Variants in AGRN observed in about 807,000 individuals in gnomAD.
The protein encoded by AGRN is agrin.
Under a neutral mutation model 211.0 loss-of-function variants are expected in AGRN, and 106 were observed. The ratio of observed to expected loss-of-function variants is 0.50; its 90% CI spans 0.43 to 0.59. The LOEUF (loss-of-function observed/expected upper bound fraction) is 0.59. Among genes scored for constraint, AGRN ranks in the 20% least tolerant of loss-of-function variants. The pLI, the probability that AGRN is intolerant of heterozygous loss-of-function variation, is 0.00. For missense variants in AGRN, 3,040 were observed against 2,982.6 expected (o/e 1.02, Z -0.45); for synonymous variants, 1,525 against 1,332.5 (o/e 1.14, Z -3.15).
rs1475721760 is a variant in AGRN at position 1,045,213 on chromosome 1, G to A, written c.2307G>A (p.Thr769=). 1.9e-6 allele frequency: 3 copies of A among 1,612,636 alleles called. No homozygotes were observed. The highest frequency in any genetic ancestry group is 1.1e-5 in the South Asian group (1 of 91,058). Residue 769 remains threonine (T), a synonymous_variant, in exon 13 of 36, where the codon ACG becomes ACA. Coordinates refer to ENST00000379370, the MANE Select transcript of AGRN (RefSeq NM_198576.4). ...TGGCCCCCTTACACTGTGCCCAGAC[G>A]CCCTACGGCTGCTGCCAGGACAATA... ...PPVAPLHCAQ[T]PYGCCQDNIT...
In AGRN at chr1:1,051,907, G is replaced by A. The variant is rs1389837988; in HGVS notation, c.5651+92G>A. The A allele has an allele frequency of 4.2e-5, 66 of 1,555,018 alleles. No individual in the cohort carries two copies. In the East Asian group the frequency reaches 9.4e-4, roughly 22 times the overall value. ...ACACCAGGAGGGCCCAGGAGGGGACGGCCCGGTGCTGCCACCTCTGTCCTC... is the reference window on the plus strand; with the variant it reads ...ACACCAGGAGGGCCCAGGAGGGGACAGCCCGGTGCTGCCACCTCTGTCCTC... On this transcript the variant is annotated intron_variant, in intron 33 of 35. Coordinates refer to ENST00000379370, the MANE Select transcript of AGRN (RefSeq NM_198576.4).
rs142143178 is a variant in AGRN, at chr1:1,043,888, C to T, written c.1864C>T (p.Arg622Trp). The change falls in exon 10 of 36, where the codon CGG becomes TGG. Residue 622 changes from arginine to tryptophan, a missense_variant. Arg to Trp is a moderately radical substitution (Grantham distance 101). Around this residue, in one of 3 missense-constraint regions of AGRN, gnomAD observed 1,498 missense variants for 1,457.8 expected, o/e 1.03. Coordinates refer to ENST00000379370, the MANE Select transcript of AGRN (RefSeq NM_198576.4). Reference protein sequence around the residue: ...VCSAGQCVCPRCEHPPPGPVC... With the variant: ...VCSAGQCVCPWCEHPPPGPVC... ...CTCCGCAGGGCAGTGTGTGTGTCCC[C>T]GGTGTGAGCACCCCCCGCCCGGCCC... The T allele has an allele frequency of 1.8e-4, 292 of 1,610,832 alleles. No homozygotes were observed. Among genetic ancestry groups the T allele is most frequent in the Non-Finnish European group, 2.2e-4 (258 of 1,179,692 alleles).
chr1:1,045,884 A>G lies in AGRN; in HGVS notation c.2680+8A>G. On this transcript the variant is annotated splice_region_variant and intron_variant, in intron 15 of 35. Coordinates refer to ENST00000379370, the MANE Select transcript of AGRN (RefSeq NM_198576.4). ...CCGCGGGCTGTGAAGCTGGTGAGTG[A>G]GGGCCAGCGCTACCCTGGGGCTTCA... 6.2e-7 allele frequency: 1 copy of G among 1,610,356 alleles called. No individual in the cohort carries two copies. Among genetic ancestry groups the G allele is most frequent in the Non-Finnish European group, 8.5e-7 (1 of 1,179,870 alleles).
chr1:1,040,300 A>G (rs1644896385), intron 3 of AGRN, among the ~76,000 whole-genome samples: 1 of 152,140 alleles, frequency 6.6e-6, no homozygotes, highest in South Asian at 2.1e-4. Flanking sequence ...GTTGGTTTCG[A>G]GGCGTCTCTG....
intron 1 of AGRN, among the ~76,000 whole-genome samples, chr1:1,021,563 G>C (rs1644406581): frequency 6.6e-6 from 1 of 152,234 alleles, no homozygotes; most frequent in Non-Finnish European, 1.5e-5. Context: ...TGAGTGCGTG[G>C]GTCCCTGTCC....
Position 1,048,251 on chromosome 1 carries a change from A to G in AGRN, c.3991A>G (p.Lys1331Glu). The change falls in exon 23 of 36, where the codon AAG becomes GAG. Residue 1331 changes from lysine (K) to glutamate (E), a missense_variant. Lys to Glu is a moderately conservative substitution (Grantham distance 56, BLOSUM62 1). Coordinates refer to ENST00000379370, the MANE Select transcript of AGRN (RefSeq NM_198576.4). The surrounding 1 kb of genome is among the most constrained non-coding windows in gnomAD (Gnocchi z 5.9). ...GCCCCCGGCCCCCCAGCAGCCTCCA[A>G]AGCCCTGTGACTCACAGCCCTGCTT... is the stretch of plus-strand genomic sequence containing the variant. ...RRPPAPQQPPKPCDSQPCFHG... is the reference protein window; with the variant it reads ...RRPPAPQQPPEPCDSQPCFHG... 2.6e-6 allele frequency: 4 copies of G among 1,541,690 alleles called. No homozygotes were observed. Among genetic ancestry groups the G allele is most frequent in the Non-Finnish European group, 3.5e-6 (4 of 1,141,644 alleles).
In AGRN at chr1:1,043,655, A is replaced by G; in HGVS notation, c.1721A>G (p.Tyr574Cys). The change falls in exon 9 of 36, where the codon TAC becomes TGC. Residue 574 changes from tyrosine to cysteine, a missense_variant. Tyr to Cys is a radical substitution (Grantham distance 194). This residue lies in a region of AGRN where 1,498 missense variants were observed against 1,457.8 expected (regional missense o/e 1.03). Transcript: ENST00000379370. ...GTGTGTGGCTCCGACGGGCACACGT[A>G]CCCCAGCGAGTGCATGCTGCACGTG... ...QPVCGSDGHT[Y>C]PSECMLHVHA... 2 of 1,601,510 alleles carry G rather than the reference A, an allele frequency of 1.2e-6. No individual in the cohort carries two copies. The highest frequency in any genetic ancestry group is 1.7e-6 in the Non-Finnish European group (2 of 1,179,704).
At chr1:1,050,164 C>T in intron 27 of AGRN, 69 bp from the exon 28 acceptor site, 1 of 1,598,386 alleles carries the variant, frequency 6.3e-7, no homozygotes, top group Non-Finnish European at 8.6e-7. Context: ...TTAGGATCCA[C>T]ACACGGCTGG....
intron 30 of AGRN, 76 bp from the exon 31 acceptor site, chr1:1,051,177 G>GCC: frequency 9.2e-7 from 1 of 1,082,364 alleles, no homozygotes; most frequent in Non-Finnish European, 1.4e-6. Context: ...GGTGGGGCGG[G>GCC]TGCGTGCAGG....
At chr1:1,047,498 C>T (rs1645132888) in intron 20 of AGRN, 44 bp downstream of exon 20, 9 of 1,612,694 alleles carry the variant, frequency 5.6e-6, no homozygotes, top group African/African-American at 1.3e-5. Context: ...GGCCTTCCTC[C>T]CCAGATACCC....
Position 1,045,980 on chromosome 1 carries a change from G to T in AGRN, c.2697G>T (p.Ala899=). 1 of 1,613,832 alleles carries T rather than the reference G, an allele frequency of 6.2e-7. No individual in the cohort carries two copies. Among genetic ancestry groups the T allele is most frequent in the Non-Finnish European group, 8.5e-7 (1 of 1,180,020 alleles). Residue 899 remains alanine (A), a synonymous_variant, in exon 16 of 36, where the codon GCG becomes GCT. Transcript: ENST00000379370. ...GTGCCCCAGACGCTTCTGCGCCTGC[G>T]ACCTGTGCGGAGATGCGCTGTGAGT... ...AGCEADASAP[A]TCAEMRCEFG...
At chr1:1,021,378 G>A (rs1309457075) in intron 1 of AGRN, among the ~76,000 whole-genome samples, 1 of 152,238 alleles carries the variant, frequency 6.6e-6, no homozygotes, top group Non-Finnish European at 1.5e-5. Flanking sequence ...GGGCGTGGAA[G>A]AGGCTCTGCC....
Position 1,049,584 on chromosome 1 carries a change from C to T in AGRN, c.4533C>T (p.Phe1511=), listed in dbSNP as rs748416413. The T allele has an allele frequency of 8.2e-6, 13 of 1,590,098 alleles. No homozygotes were observed. The highest frequency in any genetic ancestry group is 3.4e-5 in the South Asian group (3 of 88,034). Residue 1511 remains phenylalanine (F), a synonymous_variant, in exon 26 of 36, where the codon TTC becomes TTT. Coordinates refer to ENST00000379370, the MANE Select transcript of AGRN (RefSeq NM_198576.4). ...GTGGCAGGGCGCTGGAGCGGACCTT[C>T]GTGGGCGCCGGCCTGAGGGGGTGCA... ...DQAAVALERT[F]VGAGLRGCIR... is the part of the protein sequence containing the mutation.
intron 34 of AGRN, 79 bp from the exon 35 acceptor site, chr1:1,054,369 G>C: frequency 5.4e-6 from 7 of 1,305,832 alleles, no homozygotes; most frequent in African/African-American, 1.5e-5. Context: ...CAGGGCATAG[G>C]AAGGATGCAG....
intron 19 of AGRN, 38 bp downstream of exon 19, chr1:1,046,995 C>G (rs748906455): frequency 2.7e-5 from 42 of 1,558,800 alleles, no homozygotes; most frequent in Non-Finnish European, 2.3e-5. Flanking sequence ...GTGAGGATAG[C>G]CTGGGCTCGG....
chr1:1,046,506 T>A lies in AGRN; in HGVS notation c.3021T>A (p.Ala1007=), dbSNP rs1448906119. ...LPAPPGALPL[A]PSSTAHSQTT... ...CCCCCCCCGGCGCCCTCCCCCTGGC[T>A]CCCAGCAGTACCGCACACAGCCAGA... is the stretch of plus-strand genomic sequence containing the variant. Residue 1007 remains alanine, a synonymous_variant, in exon 18 of 36, where the codon GCT becomes GCA. Coordinates refer to ENST00000379370, the MANE Select transcript of AGRN (RefSeq NM_198576.4). 4 of 1,586,140 alleles carry A rather than the reference T, an allele frequency of 2.5e-6. No individual in the cohort carries two copies. The African/African-American group carries it at 5.5e-5, about 22-fold the overall frequency.
rs116257587 is a variant in AGRN at position 1,050,630 on chromosome 1, T to C, written c.5141+39T>C. 8.1e-3 allele frequency: 13,022 copies of C among 1,604,106 alleles called. 913 individuals carry two copies. The African/African-American group carries it at 0.15, about 19-fold the overall frequency. On this transcript the variant is annotated intron_variant, in intron 29 of 35. Transcript: ENST00000379370. ...GGTGGCTCTGGGAGGCCTGGGGCAC[T>C]GGCCCGGGGCCGGGGCACCAGCAGG...
intron 2 of AGRN, chr1:1,034,639 C>T: frequency 4.0e-6 from 4 of 987,898 alleles, no homozygotes; most frequent in Non-Finnish European, 4.8e-6. Context: ...TGCCCTGCAA[C>T]GCCTGCCTGA....
intron 33 of AGRN, chr1:1,052,039 C>A: frequency 6.6e-7 from 1 of 1,506,200 alleles, no homozygotes; most frequent in African/African-American, 1.4e-5. Context: ...CGGCGCCCCC[C>A]GCTCCCTCTC....
Sources: gnomAD v4.1 joint callset for allele counts (sites outside exome capture counted in the v4.1 genomes callset) on GRCh38, gnomAD v4.1.1 for gene constraint, gnomAD v4.1.1 regional missense constraint, Gnocchi (gnomAD v3.1) non-coding constraint, MANE v1.5 for transcripts, NCBI Gene and HGNC (gene_info 2026-07-23, HGNC 2026-07-21) for gene names.